Variants in NDUFS4 observed in about 807,000 individuals in gnomAD.
NDUFS4 encodes NADH:ubiquinone oxidoreductase subunit S4, also known as NADH dehydrogenase [ubiquinone] iron-sulfur protein 4, mitochondrial.
A neutral mutation model predicts 24.3 loss-of-function variants in NDUFS4; 28 were observed. That is an observed-to-expected ratio of 1.15 (90% CI 0.85 to 1.58). The LOEUF is 1.58. NDUFS4 is among the 40% of genes most tolerant of loss of function. The probability of loss-of-function intolerance (pLI) is 0.00; values close to 1 mark genes in which losing one functional copy is unlikely to be tolerated. For missense variants in NDUFS4, 223 were observed against 207.9 expected, an observed-to-expected ratio of 1.07 and a Z score of -0.45; for synonymous variants, 93 against 69.7, an observed-to-expected ratio of 1.34 and a Z score of -1.67.
intron 3 of NDUFS4, among the ~76,000 whole-genome samples, chr5:53,653,363 A>T (rs937676233): frequency 1.6e-4 from 24 of 152,218 alleles, no homozygotes; most frequent in Admixed American, 6.5e-5. Flanking sequence ...TCTTTTGATT[A>T]TGAGTAAGTA....
At chr5:53,670,434 GA>G (rs142516156) in intron 4 of NDUFS4, among the ~76,000 whole-genome samples, 14,005 of 147,630 alleles carry the variant, frequency 0.095, 766 homozygotes, top group Non-Finnish European at 0.13. Context: ...GACTTAGTAT[GA>G]AAAAAAAAAG....
chr5:53,594,047 A>C (rs919238817), intron 1 of NDUFS4, among the ~76,000 whole-genome samples: 9 of 152,180 alleles, frequency 5.9e-5, no homozygotes, highest in African/African-American at 2.2e-4. Flanking sequence ...GACAGATGCC[A>C]GTTATATCCA....
intron 2 of NDUFS4, among the ~76,000 whole-genome samples, chr5:53,610,216 G>C (rs1364944647): frequency 1.3e-5 from 2 of 152,052 alleles, no homozygotes; most frequent in Non-Finnish European, 2.9e-5. Flanking sequence ...TTATTAACTG[G>C]CCTAATTTCA....
intron 2 of NDUFS4, among the ~76,000 whole-genome samples, chr5:53,606,325 T>G (rs926547238): frequency 2.0e-5 from 3 of 152,126 alleles, no homozygotes; most frequent in Non-Finnish European, 2.9e-5. Context: ...CTTTTACTCA[T>G]GGTGGAAGGT....
rs982356058 is a variant in NDUFS4, at chr5:53,603,343, T to TTC, written c.99-108_99-107insCT. The TTC allele has an allele frequency of 4.1e-6, 3 of 738,334 alleles. No homozygotes were observed. The African/African-American group carries it at 5.4e-5, about 13-fold the overall frequency. 45.7% of individuals were successfully genotyped at this position (738,334 alleles called of 1,614,324 possible). A position where few individuals can be genotyped will look rare whatever the true frequency, so the allele number is the denominator to read the frequency against. On this transcript the variant is annotated intron_variant, in intron 1 of 4. Transcript: ENST00000296684. ...TTCTCTTTCTTTCCTTTCCTTTTTT[T>TTC]TTTTTTTTAATAAGACAGATATTGT...
intron 3 of NDUFS4, among the ~76,000 whole-genome samples, chr5:53,649,881 T>C (rs1751968568): frequency 6.6e-6 from 1 of 152,224 alleles, no homozygotes; most frequent in African/African-American, 2.4e-5. Context: ...ATGGTAGTTT[T>C]GATTTGCATT....
At chr5:53,603,892 T>C (rs1271999105) in intron 2 of NDUFS4, among the ~76,000 whole-genome samples, 1 of 152,118 alleles carries the variant, frequency 6.6e-6, no homozygotes, top group Admixed American at 6.5e-5. Flanking sequence ...TAAAACTAAA[T>C]ATATTAGGTT....
At chr5:53,595,879 C>G (rs545940122) in intron 1 of NDUFS4, among the ~76,000 whole-genome samples, 1 of 152,206 alleles carries the variant, frequency 6.6e-6, no homozygotes, top group South Asian at 2.1e-4. Context: ...AAAAATAATC[C>G]TTACTTTTTC....
At chr5:53,603,827 TTTATTTTCTCAG>T (rs1336282893) in intron 2 of NDUFS4, among the ~76,000 whole-genome samples, 1 of 152,174 alleles carries the variant, frequency 6.6e-6, no homozygotes, top group Non-Finnish European at 1.5e-5. Flanking sequence ...TGTTTTGCTT[TTTATTTTCTCAG>T]TTACACTCCT....
chr5:53,600,501 G>T (rs1750277836), intron 1 of NDUFS4, among the ~76,000 whole-genome samples: 1 of 152,042 alleles, frequency 6.6e-6, no homozygotes, highest in African/African-American at 2.4e-5. Flanking sequence ...TAGAGGTGGG[G>T]TTTTGTCATG....
intron 1 of NDUFS4, among the ~76,000 whole-genome samples, chr5:53,579,918 G>C (rs1243095423): frequency 6.6e-6 from 1 of 152,190 alleles, no homozygotes; most frequent in Admixed American, 6.5e-5. Context: ...GTCTCTAAAA[G>C]CTAGAAGAAA....
rs373712436 is a variant in NDUFS4, at chr5:53,661,532, T to G, written c.424+2908T>G. 3.3e-5 allele frequency among the ~76,000 whole-genome samples: 5 copies of G among 152,244 alleles called. No individual in the cohort carries two copies. In the South Asian group the frequency reaches 6.2e-4, roughly 19 times the overall value. ...GTTTAAAGTAGTTTTTTCCAATTCT[T>G]TGAAGAAAGTCATTGGTAGCTTGAT... On this transcript the variant is annotated intron_variant, in intron 4 of 4. Transcript: ENST00000296684.
At chr5:53,649,336 GT>G (rs1751953958) in intron 3 of NDUFS4, among the ~76,000 whole-genome samples, 1 of 152,146 alleles carries the variant, frequency 6.6e-6, no homozygotes, top group African/African-American at 2.4e-5. Context: ...CCAGCAGGCA[GT>G]TTTTCAACTC....
In NDUFS4 at chr5:53,646,365, A is replaced by G; in HGVS notation, c.310A>G (p.Arg104Gly). 3.7e-6 allele frequency: 6 copies of G among 1,613,892 alleles called. No homozygotes were observed. Among genetic ancestry groups the G allele is most frequent in the Non-Finnish European group, 5.1e-6 (6 of 1,179,822 alleles). Residue 104 changes from arginine to glycine, a missense_variant, in exon 3 of 5, where the codon AGA becomes GGA. By Grantham distance (125) the Arg-to-Gly change is moderately radical. Coordinates refer to ENST00000296684, the MANE Select transcript of NDUFS4 (RefSeq NM_002495.4). ...GAAATGGAAGATGGAGTTTGATACC[A>G]GAGAGCGATGGGAAAATCCTTTGAT... ...TKKWKMEFDT[R>G]ERWENPLMGW... is the part of the protein sequence containing the mutation.
chr5:53,665,140 G>A (rs956009478), intron 4 of NDUFS4, among the ~76,000 whole-genome samples: 36 of 152,156 alleles, frequency 2.4e-4, no homozygotes, highest in South Asian at 1.0e-3. Flanking sequence ...CTGCAGAACC[G>A]CGGATATTGG....
chr5:53,562,363 A>G (rs752798769), intron 1 of NDUFS4, among the ~76,000 whole-genome samples: 20 of 152,186 alleles, frequency 1.3e-4, no homozygotes, highest in Non-Finnish European at 2.4e-4. Flanking sequence ...TAGCCCCAGA[A>G]CTGAAAACAA....
At chr5:53,619,724 G>A (rs1478144796) in intron 2 of NDUFS4, among the ~76,000 whole-genome samples, 1 of 151,932 alleles carries the variant, frequency 6.6e-6, no homozygotes, top group East Asian at 1.9e-4. Flanking sequence ...GTATTTATAT[G>A]TAAGACAAAT....
Position 53,570,021 on chromosome 5 carries a change from T to C in NDUFS4, c.98+9261T>C, listed in dbSNP as rs555084944. Among the ~76,000 whole-genome samples the C allele has an allele frequency of 3.9e-5, 6 of 152,324 alleles. No individual in the cohort carries two copies. The South Asian group carries it at 1.2e-3, about 32-fold the overall frequency. ...ATAAAGAAAAATTAACTGTTTTCCT[T>C]TTGGTGTATACTTCTTAGAGTTTTA... is the stretch of plus-strand genomic sequence containing the variant. On this transcript the variant is annotated intron_variant, in intron 1 of 4. Coordinates refer to ENST00000296684, the MANE Select transcript of NDUFS4 (RefSeq NM_002495.4).
intron 2 of NDUFS4, among the ~76,000 whole-genome samples, chr5:53,628,675 A>G (rs571969690): frequency 7.2e-5 from 11 of 152,266 alleles, no homozygotes; most frequent in Non-Finnish European, 1.5e-4. Context: ...AGAGTTGTCT[A>G]TAGTATTCTC....
Sources: allele counts gnomAD v4.1 joint callset (sites outside exome capture counted in the v4.1 genomes callset), GRCh38; gene constraint gnomAD v4.1.1; transcripts MANE v1.5; gene names NCBI Gene and HGNC (gene_info 2026-07-23, HGNC 2026-07-21).